The following VPS13B variants were observed in gnomAD, a reference collection of about 807,000 sequenced individuals.
VPS13B encodes the protein intermembrane lipid transfer protein VPS13B.
A neutral mutation model predicts 426.4 loss-of-function variants in VPS13B; 285 were observed. The observed-to-expected ratio is 0.67, with a 90% CI of 0.61 to 0.74. The LOEUF (loss-of-function observed/expected upper bound fraction) is 0.74. VPS13B is among the 30% of genes least tolerant of loss of function. VPS13B has a pLI of 0.00. For missense variants in VPS13B, 4,537 were observed against 4,782.6 expected, an observed-to-expected ratio of 0.95 and a Z score of 1.51; for synonymous variants, 1,676 against 1,676.4, an observed-to-expected ratio of 1.00 and a Z score of 0.01.
At chr8:99,623,676 C>T (rs1041309885) in intron 33 of VPS13B, among the ~76,000 whole-genome samples, 1 of 152,080 alleles carries the variant, frequency 6.6e-6, no homozygotes, top group East Asian at 1.9e-4. Flanking sequence ...TGTGGTAAAA[C>T]TACAGATAGA....
rs766248244 is a variant in VPS13B, at chr8:99,720,316, G to C, written c.6658-29G>C. On this transcript the variant is annotated intron_variant, in intron 37 of 61. Transcript: ENST00000357162. Reference sequence around the variant, plus strand: ...TCTCAAGAAATGTTTGTATTTAAAAGCTACTAGAATTTTTTTATGATTTTA... The same window carrying C: ...TCTCAAGAAATGTTTGTATTTAAAACCTACTAGAATTTTTTTATGATTTTA... 5 of 1,575,092 alleles carry C rather than the reference G, an allele frequency of 3.2e-6. No individual in the cohort carries two copies. In the South Asian group the frequency reaches 5.6e-5, roughly 18 times the overall value.
intron 15 of VPS13B, among the ~76,000 whole-genome samples, chr8:99,166,126 C>T (rs891796788): frequency 1.3e-5 from 2 of 152,054 alleles, no homozygotes; most frequent in African/African-American, 2.4e-5. Flanking sequence ...ATTACAGGCA[C>T]GTGCCACCAC....
chr8:99,378,682 G>A (rs866095464), intron 19 of VPS13B, among the ~76,000 whole-genome samples: 13 of 152,110 alleles, frequency 8.5e-5, no homozygotes, highest in African/African-American at 2.7e-4. Context: ...CTGACTTCCC[G>A]CAACAATACA....
intron 23 of VPS13B, among the ~76,000 whole-genome samples, chr8:99,464,187 GT>G (rs375716905): frequency 1.9e-4 from 29 of 152,216 alleles, no homozygotes; most frequent in Middle Eastern, 3.4e-3. Context: ...TTTTTTGAAT[GT>G]AAGAGAAAAA....
At chr8:99,028,758 G>A (rs1246958410) in intron 2 of VPS13B, among the ~76,000 whole-genome samples, 5 of 142,656 alleles carry the variant, frequency 3.5e-5, no homozygotes, top group African/African-American at 1.3e-4. Context: ...GCAACTGGCC[G>A]GGCAGAGGGG....
intron 3 of VPS13B, chr8:99,091,945 T>G (rs1846171464): frequency 6.6e-6 from 1 of 152,266 alleles, no homozygotes; most frequent in African/African-American, 2.4e-5. Context: ...CACTTTCTCC[T>G]TCTTCAGCTC....
At chr8:99,229,845 C>A (rs1400969590) in intron 17 of VPS13B, among the ~76,000 whole-genome samples, 1 of 152,118 alleles carries the variant, frequency 6.6e-6, no homozygotes, top group Non-Finnish European at 1.5e-5. Flanking sequence ...GGGTTTCAAC[C>A]AAAGGAGTGA....
At chr8:99,388,151 A>T (rs187489373) in intron 20 of VPS13B, among the ~76,000 whole-genome samples, 75 of 152,318 alleles carry the variant, frequency 4.9e-4, no homozygotes, top group African/African-American at 1.7e-3. Flanking sequence ...GGGCACTTAT[A>T]TATATTTTTC....
At chr8:99,625,729 G>T (rs563240838) in intron 33 of VPS13B, among the ~76,000 whole-genome samples, 12 of 150,750 alleles carry the variant, frequency 8.0e-5, no homozygotes, top group African/African-American at 2.7e-4. Context: ...GCCTATAGTC[G>T]CAGCTACCTG....
intron 44 of VPS13B, among the ~76,000 whole-genome samples, chr8:99,817,230 A>G (rs929982049): frequency 1.3e-5 from 2 of 151,266 alleles, no homozygotes; most frequent in Non-Finnish European, 2.9e-5. Context: ...CTGCTTGTGC[A>G]TGTTTGCAAG....
chr8:99,837,444 G>C (rs1017559663), intron 54 of VPS13B, among the ~76,000 whole-genome samples: 1 of 152,202 alleles, frequency 6.6e-6, no homozygotes, highest in Non-Finnish European at 1.5e-5. Context: ...TGGGTTTGAA[G>C]ATTTTTGAAA....
chr8:99,494,758 TA>T (rs1165335280), intron 25 of VPS13B, among the ~76,000 whole-genome samples: 1 of 152,136 alleles, frequency 6.6e-6, no homozygotes, highest in African/African-American at 2.4e-5. Flanking sequence ...TTGAAAATAT[TA>T]GACAATATTT....
At chr8:99,813,948 A>G (rs1813871022) in intron 44 of VPS13B, among the ~76,000 whole-genome samples, 2 of 152,182 alleles carry the variant, frequency 1.3e-5, no homozygotes, top group Admixed American at 1.3e-4. Context: ...AGCGTGGTCA[A>G]CATAGCAAGA....
chr8:99,401,828 T>A (rs1815054874), intron 21 of VPS13B, among the ~76,000 whole-genome samples: 1 of 152,166 alleles, frequency 6.6e-6, no homozygotes, highest in Admixed American at 6.6e-5. Context: ...ATCGCGCCAC[T>A]GCACCCAACC....
intron 17 of VPS13B, among the ~76,000 whole-genome samples, chr8:99,250,664 CTTTTTTTTTTTTTTTTTT>C (rs60698750): frequency 5.0e-4 from 18 of 35,808 alleles, no homozygotes; most frequent in Admixed American, 1.9e-3. Flanking sequence ...TGTGTTTATT[CTTTTTTTTTTTTTTTTTT>C]TTTTTTTTTT....
chr8:99,738,132 C>T (rs578236338), intron 39 of VPS13B, among the ~76,000 whole-genome samples: 3 of 152,332 alleles, frequency 2.0e-5, no homozygotes, highest in East Asian at 3.9e-4. Flanking sequence ...TGGAAACATA[C>T]ATAAGAGTAC....
intron 17 of VPS13B, among the ~76,000 whole-genome samples, chr8:99,213,603 G>C (rs1236219074): frequency 2.0e-5 from 3 of 152,140 alleles, no homozygotes; most frequent in Non-Finnish European, 4.4e-5. Flanking sequence ...TAGAGCCCCT[G>C]TATTTTCAGC....
chr8:99,573,908 G>A (rs1185129935), intron 31 of VPS13B, among the ~76,000 whole-genome samples: 137 of 152,222 alleles, frequency 9.0e-4, no homozygotes, highest in African/African-American at 3.1e-3. Context: ...CCATTTTCAT[G>A]ATATTGATTC....
chr8:99,860,898 A>G (rs1253230026), intron 57 of VPS13B, among the ~76,000 whole-genome samples: 4 of 152,222 alleles, frequency 2.6e-5, no homozygotes, highest in Admixed American at 1.3e-4. Context: ...TTCAGTTAAC[A>G]TCCTGAATAT....
Sources: gnomAD v4.1 joint callset for allele counts (sites outside exome capture counted in the v4.1 genomes callset) on GRCh38, gnomAD v4.1.1 for gene constraint, MANE v1.5 for transcripts, NCBI Gene and HGNC (gene_info 2026-07-23, HGNC 2026-07-21) for gene names.